Variants in HECTD4 observed in about 807,000 individuals in gnomAD.
HECTD4 encodes the protein HECT domain E3 ubiquitin protein ligase 4.
In HECTD4, 114 loss-of-function variants were observed where a neutral mutation model predicts 471.5. The observed-to-expected ratio is 0.24, with a 90% CI of 0.21 to 0.28. The LOEUF is 0.28. Ranked by LOEUF, HECTD4 falls within the 10% of genes least tolerant of loss-of-function variation. The pLI is 1.00. For missense variants in HECTD4, 3,866 were observed against 5,651.5 expected, an observed-to-expected ratio of 0.68 and a Z score of 10.13; for synonymous variants, 2,012 against 2,256.0, an observed-to-expected ratio of 0.89 and a Z score of 3.07.
In HECTD4 at chr12:112,319,883, T is replaced by C. The variant is rs139573953; in HGVS notation, c.178-141A>G. The C allele has an allele frequency of 1.8e-6, 1 of 567,868 alleles. No homozygotes were observed. Among genetic ancestry groups the C allele is most frequent in the East Asian group, 3.5e-5 (1 of 28,712 alleles). 35.2% of individuals were successfully genotyped at this position (567,868 alleles called of 1,614,324 possible). ...ACAATCAAATGGAAAACGTATACTGTAAAGCCAGCTCTTTGCTGATGGAAT... is the reference window on the plus strand; with the variant it reads ...ACAATCAAATGGAAAACGTATACTGCAAAGCCAGCTCTTTGCTGATGGAAT... On this transcript the variant is annotated intron_variant, in intron 1 of 75. Coordinates refer to ENST00000682272, the MANE Select transcript of HECTD4 (RefSeq NM_001388303.1). This position sits in a 1 kb window ranked among gnomAD's most constrained non-coding sequence, Gnocchi z 5.3.
At chr12:112,362,653 G>A (rs1042788874) in intron 1 of HECTD4, among the ~76,000 whole-genome samples, 5 of 151,942 alleles carry the variant, frequency 3.3e-5, no homozygotes, top group Admixed American at 3.3e-4. Context: ...GGTGGGGAGC[G>A]TTATGTTAGC....
chr12:112,160,824 C>T lies in HECTD4; in HGVS notation c.*1563G>A, dbSNP rs1420133765. 6.6e-6 allele frequency: 1 copy of T among 152,190 alleles called. No homozygotes were observed. The highest frequency in any genetic ancestry group is 1.5e-5 in the Non-Finnish European group (1 of 68,020). The allele number at this position is 152,190 out of a possible 1,614,324, so 9.4% of individuals were successfully genotyped here. The stretch of plus-strand genomic sequence containing the variant: ...GCTGGGGAGGCAGCGGGCTGACCAT[C>T]TTCTTTCAAAGCAGGGGAACTGCTT... On this transcript the variant is annotated 3_prime_UTR_variant, in exon 76 of 76. Transcript: ENST00000682272.
At chr12:112,310,200 A>G (rs2035346028) in intron 4 of HECTD4, among the ~76,000 whole-genome samples, 1 of 152,176 alleles carries the variant, frequency 6.6e-6, no homozygotes, top group Non-Finnish European at 1.5e-5. Flanking sequence ...AGGTAAATAC[A>G]TCTATACTGC....
Position 112,319,137 on chromosome 12 carries a change from A to G in HECTD4, c.695+88T>C. ...AGGACTTCTGAATGTTAAGACTTCT[A>G]TCAAATATACTTGGCCTCTTCTTCA... On this transcript the variant is annotated intron_variant, in intron 2 of 75. Coordinates refer to ENST00000682272, the MANE Select transcript of HECTD4 (RefSeq NM_001388303.1). This position sits in a 1 kb window ranked among gnomAD's most constrained non-coding sequence, Gnocchi z 5.3. 1 of 1,280,830 alleles carries G rather than the reference A, an allele frequency of 7.8e-7. No homozygotes were observed. Among genetic ancestry groups the G allele is most frequent in the South Asian group, 1.5e-5 (1 of 68,954 alleles). The allele number at this position is 1,280,830 out of a possible 1,614,324, so 79.3% of individuals were successfully genotyped here.
rs1187097893 is a variant in HECTD4, at chr12:112,314,437, G to C, written c.785+20C>G. ...CTGCCTAGTTTGGAAGGAGGGTAAGGATACAAAGTGACAACTTACCTATAT... is the reference window on the plus strand; with the variant it reads ...CTGCCTAGTTTGGAAGGAGGGTAAGCATACAAAGTGACAACTTACCTATAT... On this transcript the variant is annotated intron_variant, in intron 3 of 75. Coordinates refer to ENST00000682272, the MANE Select transcript of HECTD4 (RefSeq NM_001388303.1). The C allele has an allele frequency of 1.7e-5, 22 of 1,320,634 alleles. No individual in the cohort carries two copies. The highest frequency in any genetic ancestry group is 2.1e-5 in the Non-Finnish European group (20 of 951,620). The allele number at this position is 1,320,634 out of a possible 1,614,324, so 81.8% of individuals were successfully genotyped here.
intron 9 of HECTD4, among the ~76,000 whole-genome samples, chr12:112,277,034 C>T (rs2034541671): frequency 6.6e-6 from 1 of 152,132 alleles, no homozygotes; most frequent in East Asian, 1.9e-4. Context: ...AGCAGTCCCT[C>T]CAAGGGTAAA....
chr12:112,256,598 T>TG, intron 20 of HECTD4, 80 bp from the exon 21 acceptor site: 2 of 988,674 alleles, frequency 2.0e-6, no homozygotes, highest in Non-Finnish European at 2.8e-6. Flanking sequence ...TGCTCTTTAA[T>TG]TTTCCACAGC....
chr12:112,224,948 C>T (rs1194164752), intron 44 of HECTD4, among the ~76,000 whole-genome samples: 1 of 152,028 alleles, frequency 6.6e-6, no homozygotes, highest in Middle Eastern at 3.2e-3. Context: ...CAATCTAAGC[C>T]AACAATATAA....
Position 112,169,444 on chromosome 12 carries a change from C to A in HECTD4, c.12208+59G>T. The A allele has an allele frequency of 2.0e-6, 3 of 1,514,970 alleles. No homozygotes were observed. In the South Asian group the frequency reaches 3.8e-5, roughly 19 times the overall value. 93.8% of individuals were successfully genotyped at this position (1,514,970 alleles called of 1,614,324 possible). ...AAATGGAGGTCTTGGGCAGCTGGGG[C>A]TAAGGCTGGACACTAAACACAGCTC... On this transcript the variant is annotated intron_variant, in intron 70 of 75. Coordinates refer to ENST00000682272, the MANE Select transcript of HECTD4 (RefSeq NM_001388303.1).
At chr12:112,251,155 A>T in intron 23 of HECTD4, 21 bp from the exon 24 acceptor site, 1 of 1,611,282 alleles carries the variant, frequency 6.2e-7, no homozygotes, top group Non-Finnish European at 8.5e-7. Context: ...GACAGGGGTA[A>T]ACCACACTGG....
At chr12:112,227,513 C>T (rs573353421) in intron 43 of HECTD4, among the ~76,000 whole-genome samples, 3 of 152,246 alleles carry the variant, frequency 2.0e-5, no homozygotes, top group South Asian at 2.1e-4. Flanking sequence ...TGCTGTTTAA[C>T]GCTAAATAAA....
intron 1 of HECTD4, among the ~76,000 whole-genome samples, chr12:112,335,573 A>G (rs1182297789): frequency 1.3e-5 from 2 of 152,140 alleles, no homozygotes; most frequent in African/African-American, 2.4e-5. Context: ...CTGTAGTCCC[A>G]GCTACTCGAG....
At chr12:112,278,370 C>T (rs920128885) in intron 9 of HECTD4, among the ~76,000 whole-genome samples, 3 of 152,102 alleles carry the variant, frequency 2.0e-5, no homozygotes, top group Non-Finnish European at 4.4e-5. Context: ...AGCCACCGCC[C>T]CCAGCCTGAG....
In HECTD4 at chr12:112,231,365, CT is replaced by C. The variant is rs995274177; in HGVS notation, c.6200+147del. Reference sequence around the variant, plus strand: ...TCATTACTCCCCGACGTACTCCAGGCTGTACCTTGAGTGCAACTACTACAGC... The same window carrying C: ...TCATTACTCCCCGACGTACTCCAGGCGTACCTTGAGTGCAACTACTACAGC... On this transcript the variant is annotated intron_variant, in intron 39 of 75. Coordinates refer to ENST00000682272, the MANE Select transcript of HECTD4 (RefSeq NM_001388303.1). 84 of 701,380 alleles carry C rather than the reference CT, an allele frequency of 1.2e-4. No individual in the cohort carries two copies. In the African/African-American group the frequency reaches 1.4e-3, roughly 12 times the overall value. 43.4% of individuals were successfully genotyped at this position (701,380 alleles called of 1,614,324 possible).
At chr12:112,305,486 C>G (rs116908685) in intron 7 of HECTD4, among the ~76,000 whole-genome samples, 33 of 152,094 alleles carry the variant, frequency 2.2e-4, no homozygotes, top group Non-Finnish European at 4.9e-4. Context: ...TCACTAATTA[C>G]GATTATCTCG....
In HECTD4 at chr12:112,308,907, G is replaced by A. The variant is rs893463213; in HGVS notation, c.1026-16C>T. 6.5e-7 allele frequency: 1 copy of A among 1,534,838 alleles called. No individual in the cohort carries two copies. Among genetic ancestry groups the A allele is most frequent in the East Asian group, 2.4e-5 (1 of 40,896 alleles). On this transcript the variant is annotated splice_polypyrimidine_tract_variant and intron_variant, in intron 5 of 75. Transcript: ENST00000682272. ...CACAAAACCTCTGTGGAATGAAATG[G>A]AGCACAGGCTGAATCACCTGGCTAT...
chr12:112,376,717 G>C (rs574052054), intron 1 of HECTD4, among the ~76,000 whole-genome samples: 30 of 152,198 alleles, frequency 2.0e-4, no homozygotes, highest in Non-Finnish European at 4.1e-4. Flanking sequence ...TCTTGCTGTC[G>C]TCTCTGTATG....
At chr12:112,242,198 A>T (rs780316938) in intron 32 of HECTD4, among the ~76,000 whole-genome samples, 3 of 152,222 alleles carry the variant, frequency 2.0e-5, no homozygotes, top group African/African-American at 4.8e-5. Context: ...GTTAATGCAA[A>T]AACAAAACAA....
At chr12:112,206,506 A>T (rs77362342) in intron 52 of HECTD4, among the ~76,000 whole-genome samples, 5 of 151,738 alleles carry the variant, frequency 3.3e-5, no homozygotes, top group South Asian at 2.1e-4. Context: ...AAAAAATAAT[A>T]AAAAAAGTGG....
Sources: allele counts gnomAD v4.1 joint callset (sites outside exome capture counted in the v4.1 genomes callset), GRCh38; gene constraint gnomAD v4.1.1; non-coding constraint Gnocchi (gnomAD v3.1); transcripts MANE v1.5; gene names NCBI Gene and HGNC (gene_info 2026-07-23, HGNC 2026-07-21).